The following CUL5 variants were observed in gnomAD, a reference collection of about 807,000 sequenced individuals.
The protein encoded by CUL5 is cullin-5.
A neutral mutation model predicts 108.8 loss-of-function variants in CUL5; 26 were observed. The observed-to-expected ratio is 0.24, with a 90% confidence interval of 0.18 to 0.33. The LOEUF (loss-of-function observed/expected upper bound fraction) is 0.33. Among genes scored for constraint, CUL5 ranks in the 10% least tolerant of loss-of-function variants. CUL5 has a pLI of 1.00. For missense variants in CUL5, 524 were observed against 909.2 expected (o/e 0.58, Z 5.45); for synonymous variants, 334 against 298.0 (o/e 1.12, Z -1.25).
chr11:108,026,176 T>A (rs1053681551), intron 1 of CUL5, among the ~76,000 whole-genome samples: 1 of 152,128 alleles, frequency 6.6e-6, no homozygotes, highest in Non-Finnish European at 1.5e-5. Context: ...CTTGTTCTGC[T>A]TGGGAAAAGT....
chr11:108,079,914 T>G (rs192574186), intron 11 of CUL5, among the ~76,000 whole-genome samples: 1 of 152,336 alleles, frequency 6.6e-6, no homozygotes, highest in East Asian at 1.9e-4. Context: ...TGTTTTGGCA[T>G]GTAACAGTAG....
At chr11:108,020,288 G>A (rs373852026) in intron 1 of CUL5, among the ~76,000 whole-genome samples, 12 of 152,130 alleles carry the variant, frequency 7.9e-5, no homozygotes, top group African/African-American at 2.9e-4. Context: ...AGAAGAAGGC[G>A]TTGTTACCAT....
At chr11:108,023,492 G>A (rs1295038799) in intron 1 of CUL5, among the ~76,000 whole-genome samples, 2 of 151,946 alleles carry the variant, frequency 1.3e-5, no homozygotes, top group Non-Finnish European at 2.9e-5. Flanking sequence ...TTTATAGATT[G>A]AGTCTTAAGA....
At chr11:108,088,879 C>A (rs1864286133) in intron 12 of CUL5, among the ~76,000 whole-genome samples, 1 of 151,846 alleles carries the variant, frequency 6.6e-6, no homozygotes, top group Admixed American at 6.6e-5. Flanking sequence ...AATTCCTCTC[C>A]TTTCTTGGTT....
intron 11 of CUL5, among the ~76,000 whole-genome samples, chr11:108,082,028 T>A (rs1037575819): frequency 6.6e-6 from 1 of 152,230 alleles, no homozygotes; most frequent in Non-Finnish European, 1.5e-5. Flanking sequence ...AGGAAATGCA[T>A]TGAATTGTAT....
At chr11:108,022,021 C>T (rs775940158) in intron 1 of CUL5, among the ~76,000 whole-genome samples, 4 of 151,166 alleles carry the variant, frequency 2.6e-5, no homozygotes, top group Non-Finnish European at 4.4e-5. Context: ...TCGATCCATC[C>T]ATTCTTAGAG....
chr11:108,096,584 T>C, intron 16 of CUL5, among the ~76,000 whole-genome samples: 1 of 141,416 alleles, frequency 7.1e-6, no homozygotes, highest in Non-Finnish European at 1.5e-5. Flanking sequence ...TTTTTTTTTT[T>C]TTTTTTTGAG....
intron 2 of CUL5, 50 bp downstream of exon 2, chr11:108,033,961 T>C: frequency 9.4e-7 from 1 of 1,063,000 alleles, no homozygotes; most frequent in Non-Finnish European, 1.4e-6. Context: ...ATTTTAGTGA[T>C]GTCTTTCCAT....
rs1418702545 is a variant in CUL5, at chr11:108,049,879, C to G, written c.235-11C>G. 1 of 1,595,012 alleles carries G rather than the reference C, an allele frequency of 6.3e-7. No individual in the cohort carries two copies. Among genetic ancestry groups the G allele is most frequent in the Non-Finnish European group, 8.5e-7 (1 of 1,173,578 alleles). ...GCATTTATTTCAAATTGGTACACCT[C>G]TTTTTTTCAGCGAGTACTGAGCCAT... On this transcript the variant is annotated splice_polypyrimidine_tract_variant and intron_variant, in intron 3 of 18. Transcript: ENST00000393094.
intron 2 of CUL5, among the ~76,000 whole-genome samples, chr11:108,043,954 C>T (rs1041099684): frequency 6.6e-6 from 1 of 151,922 alleles, no homozygotes; most frequent in East Asian, 1.9e-4. Context: ...ACCCAGGAGG[C>T]GGAGGTTGCA....
At chr11:108,012,898 C>T (rs190914715) in intron 1 of CUL5, among the ~76,000 whole-genome samples, 2 of 152,244 alleles carry the variant, frequency 1.3e-5, no homozygotes, top group African/African-American at 4.8e-5. Flanking sequence ...CACTCTGCCT[C>T]CTCATACAAA....
At chr11:108,094,160 G>A (rs1864429266) in intron 13 of CUL5, among the ~76,000 whole-genome samples, 1 of 152,180 alleles carries the variant, frequency 6.6e-6, no homozygotes, top group African/African-American at 2.4e-5. Flanking sequence ...TAACTGTACT[G>A]TGGTAACTGA....
At position 108,009,313 on chromosome 11, in the gene CUL5, T is replaced by G; in HGVS notation, c.-36T>G. The G allele has an allele frequency of 6.2e-7, 1 of 1,608,338 alleles. No individual in the cohort carries two copies. Among genetic ancestry groups the G allele is most frequent in the Non-Finnish European group, 8.5e-7 (1 of 1,177,518 alleles). On this transcript the variant is annotated 5_prime_UTR_variant, in exon 1 of 19. It adds an upstream start codon to the 5' untranslated region. Coordinates refer to ENST00000393094, the MANE Select transcript of CUL5 (RefSeq NM_003478.6). Reference sequence around the variant, plus strand: ...AGGCCTGGCCGGGAGCGCCACGAATTCTCGCGTCGTCTCGCGAGAGTCCAA... The same window carrying G: ...AGGCCTGGCCGGGAGCGCCACGAATGCTCGCGTCGTCTCGCGAGAGTCCAA...
chr11:108,072,461 C>T lies in CUL5; in HGVS notation c.1004C>T (p.Thr335Ile), dbSNP rs766631620. The T allele has an allele frequency of 6.2e-6, 10 of 1,601,128 alleles. No individual in the cohort carries two copies. Among genetic ancestry groups the T allele is most frequent in the East Asian group, 4.5e-5 (2 of 44,748 alleles). Reference sequence around the variant, plus strand: ...GTAGCAGCTGCTGAAACTATTACTACTGTAAGTTTTTTTTCAATGGCAATG... The same window carrying T: ...GTAGCAGCTGCTGAAACTATTACTATTGTAAGTTTTTTTTCAATGGCAATG... The part of the protein sequence containing the change: ...DMVAAAETIT[T>I]DSEKYVEQLL... The change falls in exon 9 of 19, where the codon ACT becomes ATT. Residue 335 changes from threonine (T) to isoleucine (I), a missense_variant and splice_region_variant. Around this residue, in one of 8 missense-constraint regions of CUL5, gnomAD observed 170 missense variants for 305.1 expected, o/e 0.56. Coordinates refer to ENST00000393094, the MANE Select transcript of CUL5 (RefSeq NM_003478.6).
chr11:108,065,790 T>A (rs1308185650), intron 7 of CUL5, among the ~76,000 whole-genome samples: 1 of 152,226 alleles, frequency 6.6e-6, no homozygotes, highest in Non-Finnish European at 1.5e-5. Context: ...TTGGTTCTTA[T>A]GAAGGTGTTT....
At chr11:108,043,051 C>T (rs2135112700) in intron 2 of CUL5, among the ~76,000 whole-genome samples, 1 of 152,214 alleles carries the variant, frequency 6.6e-6, no homozygotes. Context: ...GCATGAGCCG[C>T]CATGCCCGGC....
intron 16 of CUL5, among the ~76,000 whole-genome samples, chr11:108,097,324 C>T (rs1864526623): frequency 6.6e-6 from 1 of 152,112 alleles, no homozygotes; most frequent in Non-Finnish European, 1.5e-5. Flanking sequence ...CCTGAAGTTC[C>T]AAAATTAATT....
chr11:108,013,063 T>C (rs1174715343), intron 1 of CUL5, among the ~76,000 whole-genome samples: 1 of 152,236 alleles, frequency 6.6e-6, no homozygotes, highest in Non-Finnish European at 1.5e-5. Flanking sequence ...CTGTCAGTCA[T>C]AAAAGTATTA....
intron 2 of CUL5, among the ~76,000 whole-genome samples, chr11:108,043,846 TG>T (rs1389467120): frequency 6.6e-6 from 1 of 152,132 alleles, no homozygotes; most frequent in East Asian, 1.9e-4. Flanking sequence ...CTGACCAACA[TG>T]GCAAAACTCC....
Sources: gnomAD v4.1 joint callset for allele counts (sites outside exome capture counted in the v4.1 genomes callset) on GRCh38, gnomAD v4.1.1 for gene constraint, gnomAD v4.1.1 regional missense constraint, MANE v1.5 for transcripts, NCBI Gene and HGNC (gene_info 2026-07-23, HGNC 2026-07-21) for gene names.